MIER1: variants seen among roughly 807,000 people sequenced by gnomAD.
MIER1 encodes the protein mesoderm induction early response protein 1.
In MIER1, 40 loss-of-function variants were observed where a neutral mutation model predicts 75.7. The observed-to-expected ratio is 0.53, with a 90% confidence interval of 0.41 to 0.69. The LOEUF (loss-of-function observed/expected upper bound fraction) is 0.69, where lower values mean the gene tolerates loss of function less well. Ranked by LOEUF, MIER1 falls within the 30% of genes least tolerant of loss-of-function variation. The probability of loss-of-function intolerance (pLI) is 0.00; values close to 1 mark genes in which losing one functional copy is unlikely to be tolerated. For missense variants in MIER1, 574 were observed against 680.2 expected, an observed-to-expected ratio of 0.84 and a Z score of 1.74; for synonymous variants, 213 against 223.4, an observed-to-expected ratio of 0.95 and a Z score of 0.42.
At chr1:66,936,370 C>T (rs932551118) in intron 2 of MIER1, among the ~76,000 whole-genome samples, 6 of 151,540 alleles carry the variant, frequency 4.0e-5, no homozygotes, top group Admixed American at 1.3e-4. Context: ...CAGGCGCCCG[C>T]CACCAAATTT....
intron 2 of MIER1, chr1:66,930,322 C>G (rs1652836441): frequency 6.3e-7 from 1 of 1,592,048 alleles, no homozygotes; most frequent in African/African-American, 1.4e-5. Flanking sequence ...GTTGCTGAGT[C>G]TCACATCCGG....
At chr1:66,937,126 A>C (rs1417712977) in intron 2 of MIER1, among the ~76,000 whole-genome samples, 1 of 152,272 alleles carries the variant, frequency 6.6e-6, no homozygotes, top group Admixed American at 6.5e-5. Flanking sequence ...AAGGTATAGA[A>C]GGAAGAGTCA....
chr1:66,964,291 T>G (rs1661886041), intron 8 of MIER1, among the ~76,000 whole-genome samples: 1 of 151,542 alleles, frequency 6.6e-6, no homozygotes, highest in African/African-American at 2.4e-5. Context: ...GCCAGGCTGG[T>G]CTTAAACTCC....
intron 8 of MIER1, among the ~76,000 whole-genome samples, chr1:66,969,969 A>T (rs910002843): frequency 1.3e-5 from 2 of 152,190 alleles, no homozygotes; most frequent in African/African-American, 4.8e-5. Context: ...CACTCAACAG[A>T]ATTTAACCAG....
intron 2 of MIER1, among the ~76,000 whole-genome samples, chr1:66,935,109 G>A (rs1398027925): frequency 2.6e-5 from 4 of 152,154 alleles, no homozygotes; most frequent in Non-Finnish European, 5.9e-5. Flanking sequence ...TTTTTACTAT[G>A]TTGTTGTTAG....
At chr1:66,981,013 T>G (rs115064659) in intron 12 of MIER1, among the ~76,000 whole-genome samples, 5,979 of 152,274 alleles carry the variant, frequency 0.039, 147 homozygotes, top group Non-Finnish European at 0.054. Context: ...CTGACTTTTA[T>G]TCTAGTGGTT....
chr1:66,985,403 A>G lies in MIER1; in HGVS notation c.*503A>G, dbSNP rs1666652678. 4 of 983,084 alleles carry G rather than the reference A, an allele frequency of 4.1e-6. No homozygotes were observed. The highest frequency in any genetic ancestry group is 4.8e-6 in the Non-Finnish European group (4 of 827,796). The allele number at this position is 983,084 out of a possible 1,614,324, so 60.9% of individuals were successfully genotyped here. A position where few individuals can be genotyped will look rare whatever the true frequency, so the allele number is the denominator to read the frequency against. ...ACAGTTTGAGTATCTTTATTAAGGA[A>G]ACCCTTACGAATCCTGAAAATTATG... is the stretch of plus-strand genomic sequence containing the variant. On this transcript the variant is annotated 3_prime_UTR_variant, in exon 14 of 14. Coordinates refer to ENST00000401041, the MANE Select transcript of MIER1 (RefSeq NM_001077700.3).
In MIER1 at chr1:66,985,029, G is replaced by T; in HGVS notation, c.*129G>T. 1.4e-6 allele frequency: 2 copies of T among 1,384,148 alleles called. No homozygotes were observed. The highest frequency in any genetic ancestry group is 1.9e-5 in the South Asian group (1 of 53,208). 85.7% of individuals were successfully genotyped at this position (1,384,148 alleles called of 1,614,324 possible). A position where few individuals can be genotyped will look rare whatever the true frequency, so the allele number is the denominator to read the frequency against. On this transcript the variant is annotated 3_prime_UTR_variant, in exon 14 of 14. Transcript: ENST00000401041. ...AAATTTGAATTGAGTCTTAACTTTA[G>T]GAAATGAGGTTTCATAATTCTGCCT...
rs559373755 is a variant in MIER1, at chr1:66,971,019, T to A, written c.924+60T>A. ...TACACATTTATACATGTAAATGCTG[T>A]CACTTGCATTGTTGTTATTCTGTCC... On this transcript the variant is annotated intron_variant, in intron 9 of 13. Coordinates refer to ENST00000401041, the MANE Select transcript of MIER1 (RefSeq NM_001077700.3). 1.1e-3 allele frequency: 1,571 copies of A among 1,428,700 alleles called. 1 individual carries two copies. The highest frequency in any genetic ancestry group is 1.4e-3 in the Non-Finnish European group (1,465 of 1,064,448). 88.5% of individuals were successfully genotyped at this position (1,428,700 alleles called of 1,614,324 possible). A position where few individuals can be genotyped will look rare whatever the true frequency, so the allele number is the denominator to read the frequency against.
At chr1:66,945,267 GTATATATATATATATATATATATATA>G (rs66525570) in intron 3 of MIER1, among the ~76,000 whole-genome samples, 10,787 of 141,876 alleles carry the variant, frequency 0.076, 1,246 homozygotes, top group African/African-American at 0.24. Flanking sequence ...TCTGGTGTGT[GTATATATATATATATATATATATATA>G]TATATATATA....
chr1:66,952,790 C>T lies in MIER1; in HGVS notation c.340-5269C>T, dbSNP rs906800084. On this transcript the variant is annotated intron_variant, in intron 4 of 13. Coordinates refer to ENST00000401041, the MANE Select transcript of MIER1 (RefSeq NM_001077700.3). The stretch of plus-strand genomic sequence containing the variant: ...CCTAGTAGCTGGGACTACGGGCATG[C>T]GCTGCCACACCCAGCTAATTCTTTT... Among the ~76,000 whole-genome samples the T allele has an allele frequency of 2.0e-5, 3 of 152,256 alleles. No homozygotes were observed. The South Asian group carries it at 6.2e-4, about 32-fold the overall frequency.
intron 7 of MIER1, 151 bp downstream of exon 7, chr1:66,959,894 T>C: frequency 2.6e-6 from 1 of 387,836 alleles, no homozygotes; most frequent in Admixed American, 4.9e-5. Flanking sequence ...AATGTTCAGA[T>C]TCCTTCTTAA....
chr1:66,961,806 CAT>C (rs2101744471), intron 7 of MIER1, among the ~76,000 whole-genome samples: 1 of 152,248 alleles, frequency 6.6e-6, no homozygotes, highest in South Asian at 2.1e-4. Flanking sequence ...TAGTAGAAGA[CAT>C]AAAGAGAATT....
At chr1:66,930,023 G>A (rs186950434) in intron 2 of MIER1, among the ~76,000 whole-genome samples, 1 of 152,290 alleles carries the variant, frequency 6.6e-6, no homozygotes, top group East Asian at 1.9e-4. Flanking sequence ...CCTCCGCCTG[G>A]AGTGGCGGAT....
At position 66,984,606 on chromosome 1, in the gene MIER1, C is replaced by A; in HGVS notation, c.1404C>A (p.Asn468Lys). 6.2e-7 allele frequency: 1 copy of A among 1,607,712 alleles called. No homozygotes were observed. Among genetic ancestry groups the A allele is most frequent in the South Asian group, 1.1e-5 (1 of 89,160 alleles). ...CTAATGGACCAGGTGAAATATTAAA[C>A]AAAGAGGAAGTAAAAGTTGAAGGGT... ...VSSNGPGEIL[N>K]KEEVKVEGLH... is the part of the protein sequence containing the mutation. The change falls in exon 14 of 14, where the codon AAC becomes AAA. Residue 468 changes from asparagine to lysine, a missense_variant. Physicochemically the swap from Asn to Lys is moderately conservative, Grantham distance 94. Coordinates refer to ENST00000401041, the MANE Select transcript of MIER1 (RefSeq NM_001077700.3).
At chr1:66,977,677 T>G (rs1664999810) in intron 12 of MIER1, among the ~76,000 whole-genome samples, 1 of 152,202 alleles carries the variant, frequency 6.6e-6, no homozygotes. Flanking sequence ...TGGCAATTTG[T>G]TACTTAAACA....
At chr1:66,972,050 GA>G (rs1663715597) in intron 10 of MIER1, among the ~76,000 whole-genome samples, 1 of 150,966 alleles carries the variant, frequency 6.6e-6, no homozygotes, top group Non-Finnish European at 1.5e-5. Flanking sequence ...TAGTATGACA[GA>G]TAATACCTTT....
chr1:66,925,073 C>A lies in MIER1; in HGVS notation c.45C>A (p.Gly15=). 6.5e-7 allele frequency: 1 copy of A among 1,547,410 alleles called. No homozygotes were observed. The highest frequency in any genetic ancestry group is 2.0e-5 in the Admixed American group (1 of 49,484). The change falls in exon 1 of 14, where the codon GGC becomes GGA. Residue 15 remains glycine (G), a synonymous_variant. Coordinates refer to ENST00000401041, the MANE Select transcript of MIER1 (RefSeq NM_001077700.3). ...GCGGTGGCGGCAGCAGCGAAGGTGGCGGCGGCAGCAGCGGCAGCGGCTGTA... is the reference window on the plus strand; with the variant it reads ...GCGGTGGCGGCAGCAGCGAAGGTGGAGGCGGCAGCAGCGGCAGCGGCTGTA... ...SSGGGGSSEG[G]GGSSGSGYGV... is the part of the protein sequence containing the mutation.
chr1:66,957,255 C>G (rs988452968), intron 4 of MIER1, among the ~76,000 whole-genome samples: 1 of 152,116 alleles, frequency 6.6e-6, no homozygotes, highest in African/African-American at 2.4e-5. Flanking sequence ...ATGGACATTT[C>G]TTTTTCATCC....
Sources: allele counts gnomAD v4.1 joint callset (sites outside exome capture counted in the v4.1 genomes callset), GRCh38; gene constraint gnomAD v4.1.1; transcripts MANE v1.5; gene names NCBI Gene and HGNC (gene_info 2026-07-23, HGNC 2026-07-21).